MAD2L1: variants seen among roughly 807,000 people sequenced by gnomAD.
The protein encoded by MAD2L1 is mitotic spindle assembly checkpoint protein MAD2A.
Under a neutral mutation model 25.9 loss-of-function variants are expected in MAD2L1, and 10 were observed. The observed-to-expected ratio is 0.39, with a 90% confidence interval of 0.24 to 0.66. The LOEUF (loss-of-function observed/expected upper bound fraction) is 0.66. MAD2L1 is among the 30% of genes least tolerant of loss of function. The pLI is 0.49. For missense variants in MAD2L1, 180 were observed against 246.4 expected (o/e 0.73, Z 1.80); for synonymous variants, 81 against 91.8 (o/e 0.88, Z 0.67).
intron 4 of MAD2L1, 98 bp from the exon 5 acceptor site, chr4:120,060,388 G>T (rs1242083954): frequency 4.3e-6 from 4 of 937,152 alleles, no homozygotes; most frequent in East Asian, 2.8e-5. Flanking sequence ...TGCTGGAAAA[G>T]GTCATTTGGC....
chr4:120,060,211 A>T lies in MAD2L1; in HGVS notation c.525T>A (p.Ile175=), dbSNP rs769344064. 1.9e-6 allele frequency: 3 copies of T among 1,612,910 alleles called. No individual in the cohort carries two copies. The African/African-American group carries it at 4.0e-5, about 22-fold the overall frequency. The part of the protein sequence containing the change: ...EKWEESGPQF[I]TNSEEVRLRS... ...GAAGGCGGACTTCCTCAGAATTGGT[A>T]ATAAACTGTGGTCCCGACTCTTCCC... is the stretch of plus-strand genomic sequence containing the variant. Residue 175 remains isoleucine (I), a synonymous_variant, in exon 5 of 5, where the codon ATT becomes ATA. Transcript: ENST00000296509.
chr4:120,056,170 G>T lies in MAD2L1; in HGVS notation c.*3948C>A, dbSNP rs978206812. On this transcript the variant is annotated 3_prime_UTR_variant, in exon 5 of 5. Coordinates refer to ENST00000296509, the MANE Select transcript of MAD2L1 (RefSeq NM_002358.4). Reference sequence around the variant, plus strand: ...TACAATTTGCATACTTCCTTGGCCAGGGATAGGAGAGACCACTAAACTTCA... The same window carrying T: ...TACAATTTGCATACTTCCTTGGCCATGGATAGGAGAGACCACTAAACTTCA... 1 of 152,150 alleles carries T rather than the reference G, an allele frequency of 6.6e-6. No individual in the cohort carries two copies. The highest frequency in any genetic ancestry group is 1.5e-5 in the Non-Finnish European group (1 of 68,022). 9.4% of individuals were successfully genotyped at this position (152,150 alleles called of 1,614,324 possible). A position where few individuals can be genotyped will look rare whatever the true frequency, so the allele number is the denominator to read the frequency against.
chr4:120,062,622 A>C (rs1450458325), intron 2 of MAD2L1, among the ~76,000 whole-genome samples: 2 of 152,314 alleles, frequency 1.3e-5, no homozygotes, highest in Middle Eastern at 3.4e-3. Context: ...AGTGCAATCA[A>C]GAAACAAACA....
chr4:120,066,833 C>T lies in MAD2L1; in HGVS notation c.-99G>A. ...CCGCCAAGCGTTTCAAAAGTAACGA[C>T]GCAGCACGTCGTCAGGTCCTTTGCG... On this transcript the variant is annotated 5_prime_UTR_variant, in exon 1 of 5. Transcript: ENST00000296509. The T allele has an allele frequency of 1.2e-6, 1 of 854,334 alleles. No homozygotes were observed. The highest frequency in any genetic ancestry group is 1.9e-6 in the Non-Finnish European group (1 of 530,150). 52.9% of individuals were successfully genotyped at this position (854,334 alleles called of 1,614,324 possible). A position where few individuals can be genotyped will look rare whatever the true frequency, so the allele number is the denominator to read the frequency against.
At position 120,056,585 on chromosome 4, in the gene MAD2L1, A is replaced by C. The variant is rs1726113987; in HGVS notation, c.*3533T>G. On this transcript the variant is annotated 3_prime_UTR_variant, in exon 5 of 5. Transcript: ENST00000296509. The stretch of plus-strand genomic sequence containing the variant: ...AAGTTATCTACCTTATTGTGCTAAT[A>C]ATCTTTGAATCTATATGCTAAAATA... The C allele has an allele frequency of 6.6e-6, 1 of 152,220 alleles. No individual in the cohort carries two copies. Among genetic ancestry groups the C allele is most frequent in the Admixed American group, 6.5e-5 (1 of 15,282 alleles). The allele number at this position is 152,220 out of a possible 1,614,324, so 9.4% of individuals were successfully genotyped here.
intron 2 of MAD2L1, among the ~76,000 whole-genome samples, chr4:120,065,018 GA>G (rs2110509464): frequency 6.6e-6 from 1 of 152,220 alleles, no homozygotes; most frequent in Non-Finnish European, 1.5e-5. Flanking sequence ...TTCTAGAAAG[GA>G]AAAAGAAATC....
At chr4:120,060,330 A>G (rs1395742483) in intron 4 of MAD2L1, 40 bp from the exon 5 acceptor site, 2 of 1,490,380 alleles carry the variant, frequency 1.3e-6, no homozygotes, top group East Asian at 4.7e-5. Context: ...ATTATTTTCT[A>G]AAAGTAAAAC....
chr4:120,066,553 C>A lies in MAD2L1; in HGVS notation c.73+109G>T, dbSNP rs1487968903. On this transcript the variant is annotated intron_variant, in intron 1 of 4. Transcript: ENST00000296509. ...GCAACGCGTCTGGAGGAAGCGCCTGCAGCCGCCTCTCCCCAGATTACTTCT... is the reference window on the plus strand; with the variant it reads ...GCAACGCGTCTGGAGGAAGCGCCTGAAGCCGCCTCTCCCCAGATTACTTCT... The A allele has an allele frequency of 8.1e-6, 8 of 983,950 alleles. No homozygotes were observed. In the East Asian group the frequency reaches 2.2e-4, roughly 27 times the overall value. The allele number at this position is 983,950 out of a possible 1,614,324, so 61.0% of individuals were successfully genotyped here.
chr4:120,062,127 T>C, intron 2 of MAD2L1, 32 bp from the exon 3 acceptor site: 1 of 1,595,894 alleles, frequency 6.3e-7, no homozygotes, highest in Non-Finnish European at 8.5e-7. Context: ...GCATCTTTCT[T>C]GGTCCACTGC....
rs988783596 is a variant in MAD2L1, at chr4:120,058,975, T to A, written c.*1143A>T. 1.3e-5 allele frequency: 2 copies of A among 152,116 alleles called. No homozygotes were observed. The highest frequency in any genetic ancestry group is 2.4e-5 in the African/African-American group (1 of 41,426). The allele number at this position is 152,116 out of a possible 1,614,324, so 9.4% of individuals were successfully genotyped here. On this transcript the variant is annotated 3_prime_UTR_variant, in exon 5 of 5. Transcript: ENST00000296509. ...TTTACAAAATGAGGTCAGATTTAGA[T>A]TAGAGATTAGAGAAGACTTTACAAA...
intron 2 of MAD2L1, among the ~76,000 whole-genome samples, chr4:120,063,652 TAA>T (rs1726262150): frequency 6.6e-6 from 1 of 152,018 alleles, no homozygotes; most frequent in Non-Finnish European, 1.5e-5. Context: ...GCAGAAAATA[TAA>T]GAGAGAACAG....
At chr4:120,065,869 G>A (rs1160353006) in intron 1 of MAD2L1, 51 bp from the exon 2 acceptor site, 25 of 1,577,910 alleles carry the variant, frequency 1.6e-5, no homozygotes, top group Non-Finnish European at 2.0e-5. Flanking sequence ...GCATAACTCT[G>A]GAAAATAAAA....
At chr4:120,063,659 G>A (rs999537198) in intron 2 of MAD2L1, among the ~76,000 whole-genome samples, 3 of 152,120 alleles carry the variant, frequency 2.0e-5, no homozygotes, top group African/African-American at 7.2e-5. Flanking sequence ...ATATAAGAGA[G>A]AACAGGATAA....
At chr4:120,063,419 G>A (rs28429746) in intron 2 of MAD2L1, among the ~76,000 whole-genome samples, 9,236 of 152,232 alleles carry the variant, frequency 0.061, 344 homozygotes, top group African/African-American at 0.11. Flanking sequence ...GATCTCTGTT[G>A]CTTATTTTTA....
Position 120,060,292 on chromosome 4 carries a change from T to A in MAD2L1, c.446-2A>T, listed in dbSNP as rs765350221. On this transcript the variant is annotated splice_acceptor_variant, in intron 4 of 4. Transcript: ENST00000296509. LOFTEE classifies it high-confidence loss of function. The stretch of plus-strand genomic sequence containing the variant: ...TATAAATCAGCAGATCAAATGAACC[T>A]AAATTGGGGATAAGATCATTGAAGT... The A allele has an allele frequency of 6.2e-7, 1 of 1,602,988 alleles. No individual in the cohort carries two copies. Among genetic ancestry groups the A allele is most frequent in the South Asian group, 1.1e-5 (1 of 89,818 alleles).
At chr4:120,065,651 T>C (rs1196869968) in intron 2 of MAD2L1, 21 bp downstream of exon 2, 1 of 1,611,516 alleles carries the variant, frequency 6.2e-7, no homozygotes. Flanking sequence ...AGACTCAAAT[T>C]GTTTCCAATG....
chr4:120,064,515 G>A (rs916185733), intron 2 of MAD2L1, among the ~76,000 whole-genome samples: 2 of 152,166 alleles, frequency 1.3e-5, no homozygotes, highest in African/African-American at 4.8e-5. Flanking sequence ...CATTTGGTGA[G>A]TAAAGGCCAT....
At chr4:120,065,629 A>G (rs1381017570) in intron 2 of MAD2L1, 43 bp downstream of exon 2, 5 of 1,601,276 alleles carry the variant, frequency 3.1e-6, no homozygotes, top group Non-Finnish European at 4.3e-6. Context: ...TTAAGATGCT[A>G]GAAAATCTGC....
At position 120,065,795 on chromosome 4, in the gene MAD2L1, A is replaced by G; in HGVS notation, c.97T>C (p.Tyr33His). The change falls in exon 2 of 5, where the codon TAT (tyrosine) becomes CAT (histidine). Residue 33 changes from tyrosine (Y) to histidine (H), a missense_variant. Coordinates refer to ENST00000296509, the MANE Select transcript of MAD2L1 (RefSeq NM_002358.4). ...FFSFGINSIL[Y>H]QRGIYPSETF... ...TCAGATGGATATATGCCACGCTGAT[A>G]TAAAATGCTGTTGATGCCGAATGCT... is the stretch of plus-strand genomic sequence containing the variant. 6.2e-7 allele frequency: 1 copy of G among 1,613,954 alleles called. No individual in the cohort carries two copies. The highest frequency in any genetic ancestry group is 8.5e-7 in the Non-Finnish European group (1 of 1,179,970).
Sources: allele counts gnomAD v4.1 joint callset (sites outside exome capture counted in the v4.1 genomes callset), GRCh38; gene constraint gnomAD v4.1.1; transcripts MANE v1.5; gene names NCBI Gene and HGNC (gene_info 2026-07-23, HGNC 2026-07-21).